The following EPHA6 variants were observed in gnomAD, a reference collection of about 807,000 sequenced individuals.
EPHA6 encodes ephrin type-A receptor 6.
Under a neutral mutation model 112.0 loss-of-function variants are expected in EPHA6, and 50 were observed. The ratio of observed to expected loss-of-function variants is 0.45; its 90% CI spans 0.36 to 0.56. The LOEUF (loss-of-function observed/expected upper bound fraction) is 0.56, where lower values mean the gene tolerates loss of function less well. Among genes scored for constraint, EPHA6 ranks in the 20% least tolerant of loss-of-function variants. The pLI, the probability that EPHA6 is intolerant of heterozygous loss-of-function variation, is 0.00. For synonymous variants in EPHA6, 529 were observed against 490.7 expected (o/e 1.08, Z -1.03); for missense variants, 1,280 against 1,417.4 (o/e 0.90, Z 1.56).
Position 97,759,816 on chromosome 3 carries a change from A to G in EPHA6, c.*11115A>G, listed in dbSNP as rs917518051. 4.6e-6 allele frequency: 1 copy of G among 219,226 alleles called. No individual in the cohort carries two copies. Among genetic ancestry groups the G allele is most frequent in the Non-Finnish European group, 9.2e-6 (1 of 109,130 alleles). The allele number at this position is 219,226 out of a possible 1,614,324, so 13.6% of individuals were successfully genotyped here. ...GTAGTTGGATAGTAGGAAAGTGAAT[A>G]TATATTTGATGAAATATTTTAAAGG... On this transcript the variant is annotated 3_prime_UTR_variant, in exon 18 of 18. Transcript: ENST00000389672.
chr3:96,836,416 T>C (rs2034414765), intron 1 of EPHA6, among the ~76,000 whole-genome samples: 1 of 152,134 alleles, frequency 6.6e-6, no homozygotes, highest in Non-Finnish European at 1.5e-5. Flanking sequence ...CTTGGTAAAG[T>C]GCTGATAATC....
intron 3 of EPHA6, among the ~76,000 whole-genome samples, chr3:97,106,389 T>C (rs1161526751): frequency 1.3e-5 from 2 of 152,088 alleles, no homozygotes. Context: ...CACATCCTTA[T>C]ATTAATATTG....
At chr3:97,027,314 G>A (rs916595231) in intron 3 of EPHA6, among the ~76,000 whole-genome samples, 1 of 152,028 alleles carries the variant, frequency 6.6e-6, no homozygotes, top group Admixed American at 6.6e-5. Context: ...AGGAGGGAGA[G>A]GATCAGGAAT....
chr3:97,653,492 GAC>G (rs950684350), intron 14 of EPHA6, among the ~76,000 whole-genome samples: 16 of 151,902 alleles, frequency 1.1e-4, no homozygotes, highest in Non-Finnish European at 1.3e-4. Flanking sequence ...TTATCAAAAA[GAC>G]AAAAAATAGC....
intron 5 of EPHA6, among the ~76,000 whole-genome samples, chr3:97,306,395 A>T (rs1568745): frequency 1.3e-5 from 2 of 151,020 alleles, no homozygotes. Flanking sequence ...TTAAGGCACA[A>T]TACAAGTACT....
intron 5 of EPHA6, among the ~76,000 whole-genome samples, chr3:97,352,246 C>G (rs1469544747): frequency 6.6e-6 from 1 of 151,598 alleles, no homozygotes; most frequent in Non-Finnish European, 1.5e-5. Flanking sequence ...ACAAGATGGC[C>G]AAATAGAACA....
At chr3:97,462,435 T>C (rs2090921656) in intron 7 of EPHA6, among the ~76,000 whole-genome samples, 1 of 152,114 alleles carries the variant, frequency 6.6e-6, no homozygotes, top group South Asian at 2.1e-4. Flanking sequence ...GCAAAAGACC[T>C]TTTGTAGGAC....
At chr3:97,214,382 T>C (rs1053415674) in intron 3 of EPHA6, among the ~76,000 whole-genome samples, 9 of 151,446 alleles carry the variant, frequency 5.9e-5, no homozygotes, top group Non-Finnish European at 1.0e-4. Context: ...GAAAGTTGGA[T>C]TGAATATTTT....
At chr3:97,649,824 AGTC>A (rs759905696) in intron 14 of EPHA6, among the ~76,000 whole-genome samples, 4 of 151,920 alleles carry the variant, frequency 2.6e-5, no homozygotes, top group Non-Finnish European at 5.9e-5. Context: ...CTATGCTAGT[AGTC>A]AATCAAAACC....
chr3:97,015,870 C>T (rs898113806), intron 3 of EPHA6, among the ~76,000 whole-genome samples: 3 of 152,078 alleles, frequency 2.0e-5, no homozygotes, highest in Admixed American at 6.5e-5. Context: ...TAATAGCTGA[C>T]GATCTCTGGA....
chr3:97,094,220 G>A (rs921341529), intron 3 of EPHA6, among the ~76,000 whole-genome samples: 1 of 152,016 alleles, frequency 6.6e-6, no homozygotes, highest in East Asian at 1.9e-4. Context: ...TTGCATATTT[G>A]TAAACTACAT....
chr3:97,719,057 C>A (rs1443762914), intron 14 of EPHA6, among the ~76,000 whole-genome samples: 1 of 147,402 alleles, frequency 6.8e-6, no homozygotes, highest in East Asian at 2.1e-4. Context: ...AAATTGTTCC[C>A]ATTTTGGATG....
intron 3 of EPHA6, among the ~76,000 whole-genome samples, chr3:97,041,659 G>C (rs1268514334): frequency 1.3e-5 from 2 of 152,054 alleles, no homozygotes; most frequent in African/African-American, 4.8e-5. Flanking sequence ...AATTTATAAA[G>C]AAAAGAGGGT....
intron 2 of EPHA6, among the ~76,000 whole-genome samples, chr3:96,867,548 A>C (rs2036389704): frequency 6.6e-6 from 1 of 151,810 alleles, no homozygotes; most frequent in African/African-American, 2.4e-5. Context: ...CACTGAGCTA[A>C]AATAAAAGGG....
At chr3:96,938,641 C>G (rs1300082342) in intron 2 of EPHA6, among the ~76,000 whole-genome samples, 3 of 151,968 alleles carry the variant, frequency 2.0e-5, no homozygotes, top group Admixed American at 6.6e-5. Context: ...ACTTCCAACA[C>G]TATGTTGAAT....
intron 14 of EPHA6, among the ~76,000 whole-genome samples, chr3:97,703,317 G>C (rs2033502406): frequency 6.6e-6 from 1 of 152,140 alleles, no homozygotes; most frequent in Admixed American, 6.5e-5. Context: ...AATGAAAGGA[G>C]CTTTCCCACA....
intron 3 of EPHA6, among the ~76,000 whole-genome samples, chr3:97,214,356 G>A (rs2077971186): frequency 6.6e-6 from 1 of 151,738 alleles, no homozygotes; most frequent in Non-Finnish European, 1.5e-5. Context: ...ATTCTTTACA[G>A]TAGCCATCCT....
chr3:97,371,137 A>G (rs994928676), intron 5 of EPHA6, among the ~76,000 whole-genome samples: 1 of 151,766 alleles, frequency 6.6e-6, no homozygotes, highest in African/African-American at 2.4e-5. Flanking sequence ...TTCGTTACCA[A>G]TACAAAATTC....
intron 10 of EPHA6, among the ~76,000 whole-genome samples, chr3:97,506,978 G>T (rs895582023): frequency 2.6e-5 from 4 of 152,016 alleles, no homozygotes; most frequent in African/African-American, 9.7e-5. Flanking sequence ...TCTATTATTG[G>T]TGTAGAGGAA....
Sources: gnomAD v4.1 joint callset for allele counts (sites outside exome capture counted in the v4.1 genomes callset) on GRCh38, gnomAD v4.1.1 for gene constraint, MANE v1.5 for transcripts, NCBI Gene and HGNC (gene_info 2026-07-23, HGNC 2026-07-21) for gene names.